The following VCPKMT variants were observed in gnomAD, a reference collection of about 807,000 sequenced individuals.
VCPKMT encodes the protein valosin containing protein lysine methyltransferase.
VCPKMT carries 32 observed loss-of-function variants against 28.6 expected under a neutral mutation model. The ratio of observed to expected loss-of-function variants is 1.12; its 90% CI spans 0.84 to 1.50. The LOEUF is 1.50. Among genes scored for constraint, VCPKMT ranks in the 40% most tolerant of loss-of-function variants. VCPKMT has a pLI of 0.00. For missense variants in VCPKMT, 366 were observed against 285.0 expected, an observed-to-expected ratio of 1.28 and a Z score of -2.05; for synonymous variants, 138 against 111.4, an observed-to-expected ratio of 1.24 and a Z score of -1.50.
In VCPKMT at chr14:50,115,237, C is replaced by A. The variant is rs919978660; in HGVS notation, c.450+602G>T. 1.0e-4 allele frequency among the ~76,000 whole-genome samples: 15 copies of A among 150,448 alleles called. No individual in the cohort carries two copies. In the South Asian group the frequency reaches 1.0e-3, roughly 11 times the overall value. ...GCATGATTTCGGCTCACTGCAACCT[C>A]CGCCTCCCAGGTTCAAGCGATTCTC... On this transcript the variant is annotated intron_variant, in intron 3 of 5. Transcript: ENST00000395860.
At position 50,109,539 on chromosome 14, in the gene VCPKMT, C is replaced by G; in HGVS notation, c.*160G>C. On this transcript the variant is annotated 3_prime_UTR_variant, in exon 6 of 6. Coordinates refer to ENST00000395860, the MANE Select transcript of VCPKMT (RefSeq NM_024558.3). ...AGGCAAGCAGGAATTTTTCGTATTG[C>G]AGACAGCCCCTGGTGGTCATCATCT... The G allele has an allele frequency of 1.5e-6, 2 of 1,324,284 alleles. No homozygotes were observed. The highest frequency in any genetic ancestry group is 1.9e-6 in the Non-Finnish European group (2 of 1,038,962). 82.0% of individuals were successfully genotyped at this position (1,324,284 alleles called of 1,614,324 possible). A position where few individuals can be genotyped will look rare whatever the true frequency, so the allele number is the denominator to read the frequency against.
In VCPKMT at chr14:50,112,708, T is replaced by C; in HGVS notation, c.582A>G (p.Leu194=). 1 of 1,566,638 alleles carries C rather than the reference T, an allele frequency of 6.4e-7. No homozygotes were observed. The highest frequency in any genetic ancestry group is 8.7e-7 in the Non-Finnish European group (1 of 1,152,250). Residue 194 remains leucine, a synonymous_variant, in exon 5 of 6, where the codon CTA becomes CTG. Coordinates refer to ENST00000395860, the MANE Select transcript of VCPKMT (RefSeq NM_024558.3). ...IEKKYFELLQ[L]DFDFEKIPLE... Reference sequence around the variant, plus strand: ...AAGGAATTTTTTCAAAGTCAAAATCTAGCTGAAGGAGCTATAAATTTAAAA... The same window carrying C: ...AAGGAATTTTTTCAAAGTCAAAATCCAGCTGAAGGAGCTATAAATTTAAAA...
At chr14:50,113,125 T>G (rs1301382864) in intron 4 of VCPKMT, among the ~76,000 whole-genome samples, 2 of 152,118 alleles carry the variant, frequency 1.3e-5, no homozygotes, top group African/African-American at 4.8e-5. Flanking sequence ...AAGGGCAGTG[T>G]GCAAACCTTC....
chr14:50,112,100 T>G (rs908111108), intron 5 of VCPKMT: 21 of 981,124 alleles, frequency 2.1e-5, no homozygotes, highest in Non-Finnish European at 2.4e-5. Flanking sequence ...AAACAATTTT[T>G]AATAAGGAAA....
At position 50,113,794 on chromosome 14, in the gene VCPKMT, C is replaced by CTGGGG. The variant is rs1356359583; in HGVS notation, c.570+490_570+491insCCCCA. ...GCCTATAGTCCCACTTACTTGGGGG[C>CTGGGG]GGGGGGGGGGGGGGGTGACACTGAG... On this transcript the variant is annotated intron_variant, in intron 4 of 5. Coordinates refer to ENST00000395860, the MANE Select transcript of VCPKMT (RefSeq NM_024558.3). Among the ~76,000 whole-genome samples the CTGGGG allele has an allele frequency of 4.8e-4, 4 of 8,332 alleles. 1 individual carries two copies. The highest frequency in any genetic ancestry group is 1.2e-3 in the African/African-American group (4 of 3,442). 5.5% of individuals were successfully genotyped at this position (8,332 alleles called of 152,430 possible).
the VCPKMT span, among the ~76,000 whole-genome samples, chr14:50,103,018 TA>T: frequency 6.6e-6 from 1 of 152,386 alleles, no homozygotes; most frequent in East Asian, 1.9e-4. Context: ...CACAAATTCG[TA>T]AACCCTCTTA....
At chr14:50,106,427 G>A, downstream of VCPKMT, 1 of 424,602 alleles carries the variant, frequency 2.4e-6, no homozygotes, top group Non-Finnish European at 3.2e-6. Flanking sequence ...CTGAGCCCCA[G>A]CTAGTGGCAT....
chr14:50,113,807 G>C (rs1392679585), intron 4 of VCPKMT, among the ~76,000 whole-genome samples: 2 of 90,562 alleles, frequency 2.2e-5, no homozygotes, highest in African/African-American at 4.1e-5. Context: ...GGGGGGGGGG[G>C]GGTGACACTG....
At chr14:50,106,975 C>G (rs1436122696), downstream of VCPKMT, among the ~76,000 whole-genome samples, 3 of 152,248 alleles carry the variant, frequency 2.0e-5, no homozygotes, top group African/African-American at 7.2e-5. Flanking sequence ...CTGCCTTGGC[C>G]TCCCAAAGTG....
intron 5 of VCPKMT, among the ~76,000 whole-genome samples, chr14:50,110,190 T>C (rs1431491201): frequency 6.6e-6 from 1 of 152,208 alleles, no homozygotes; most frequent in Non-Finnish European, 1.5e-5. Context: ...GAGGTTGCAC[T>C]GAGCCAAGAT....
At chr14:50,107,089 T>C (rs1329777142), downstream of VCPKMT, among the ~76,000 whole-genome samples, 2 of 152,288 alleles carry the variant, frequency 1.3e-5, no homozygotes, top group South Asian at 4.1e-4. Flanking sequence ...AAAGACTAAA[T>C]TACATTCCCT....
chr14:50,112,545 C>T (rs1882760473), intron 5 of VCPKMT, 70 bp downstream of exon 5: 1 of 979,508 alleles, frequency 1.0e-6, no homozygotes, highest in Non-Finnish European at 1.6e-6. Context: ...CCATACCACA[C>T]ATATGCCCTG....
rs202022871 is a variant in VCPKMT at position 50,116,110 on chromosome 14, C to G, written c.336G>C (p.Lys112Asn). 6.2e-7 allele frequency: 1 copy of G among 1,613,886 alleles called. No homozygotes were observed. The highest frequency in any genetic ancestry group is 8.5e-7 in the Non-Finnish European group (1 of 1,179,930). Residue 112 changes from lysine to asparagine, a missense_variant, in exon 2 of 6, where the codon AAG becomes AAC. Lys to Asn is a moderately conservative substitution (Grantham distance 94, BLOSUM62 0). Transcript: ENST00000395860. ...DLLKMNINMN[K>N]HLVTGSVQAK... ...CTTGAACAGAACCAGTGACAAGATG[C>G]TTGTTCATATTAATATTCATCTTCA...
chr14:50,114,231 A>T, intron 4 of VCPKMT, 54 bp downstream of exon 4: 1 of 1,412,234 alleles, frequency 7.1e-7, no homozygotes, highest in Non-Finnish European at 9.3e-7. Flanking sequence ...AGAGTCACAT[A>T]CAGCCCCCCT....
chr14:50,111,613 C>T, intron 5 of VCPKMT: 3 of 985,390 alleles, frequency 3.0e-6, no homozygotes, highest in Non-Finnish European at 3.6e-6. Context: ...CGCAGCAGCT[C>T]ACACCTGTAA....
chr14:50,116,518 G>C lies in VCPKMT; in HGVS notation c.35C>G (p.Pro12Arg), dbSNP rs149656377. 4 of 1,613,344 alleles carry C rather than the reference G, an allele frequency of 2.5e-6. No individual in the cohort carries two copies. The highest frequency in any genetic ancestry group is 3.4e-6 in the Non-Finnish European group (4 of 1,179,732). The change falls in exon 1 of 6, where the codon CCA becomes CGA. Residue 12 changes from proline to arginine, a missense_variant. Coordinates refer to ENST00000395860, the MANE Select transcript of VCPKMT (RefSeq NM_024558.3). ...CAAAACTCGCACAAAGCTCCGCAGT[G>C]GGTCCTCCAGCGAGGACTCCAGCGT... ...ADTLESSLED[P>R]LRSFVRVLEK... is the part of the protein sequence containing the mutation.
In VCPKMT at chr14:50,112,773, G is replaced by A. The variant is rs1324824582; in HGVS notation, c.571-54C>T. ...ATTCAATAATATGAACTGACCTGTG[G>A]GTGACAGAAGTCAGAATGCTGGTTA... On this transcript the variant is annotated intron_variant, in intron 4 of 5. Coordinates refer to ENST00000395860, the MANE Select transcript of VCPKMT (RefSeq NM_024558.3). The A allele has an allele frequency of 1.2e-5, 15 of 1,248,996 alleles. No homozygotes were observed. In the Admixed American group the frequency reaches 3.1e-4, roughly 25 times the overall value. The allele number at this position is 1,248,996 out of a possible 1,614,324, so 77.4% of individuals were successfully genotyped here. A position where few individuals can be genotyped will look rare whatever the true frequency, so the allele number is the denominator to read the frequency against.
In VCPKMT at chr14:50,108,959, G is replaced by A. The variant is rs1257414865; in HGVS notation, c.*740C>T. 2 of 985,322 alleles carry A rather than the reference G, an allele frequency of 2.0e-6. No individual in the cohort carries two copies. The highest frequency in any genetic ancestry group is 3.5e-5 in the African/African-American group (2 of 57,254). 61.0% of individuals were successfully genotyped at this position (985,322 alleles called of 1,614,324 possible). On this transcript the variant is annotated 3_prime_UTR_variant, in exon 6 of 6. Coordinates refer to ENST00000395860, the MANE Select transcript of VCPKMT (RefSeq NM_024558.3). ...ATGAGCCACGTAAGTGCATAAGCCTGAAACTGGTCTTTCTATTCTCACTCC... is the reference window on the plus strand; with the variant it reads ...ATGAGCCACGTAAGTGCATAAGCCTAAAACTGGTCTTTCTATTCTCACTCC...
At chr14:50,111,505 T>C in intron 5 of VCPKMT, 1 of 985,420 alleles carries the variant, frequency 1.0e-6, no homozygotes, top group Non-Finnish European at 1.2e-6. Context: ...GCTTATTGAA[T>C]CTAGCATCCT....
Sources: allele counts gnomAD v4.1 joint callset (sites outside exome capture counted in the v4.1 genomes callset), GRCh38; gene constraint gnomAD v4.1.1; transcripts MANE v1.5; gene names NCBI Gene and HGNC (gene_info 2026-07-23, HGNC 2026-07-21).